NEK10: variants seen among roughly 807,000 people sequenced by gnomAD.
NEK10 encodes serine/threonine-protein kinase Nek10.
Under a neutral mutation model 159.8 loss-of-function variants are expected in NEK10, and 122 were observed. That is an observed-to-expected ratio of 0.76 (90% CI 0.66 to 0.89). The LOEUF (loss-of-function observed/expected upper bound fraction) is 0.89. Ranked by LOEUF, NEK10 falls within the 40% of genes least tolerant of loss-of-function variation. The probability of loss-of-function intolerance (pLI) is 0.00; values close to 1 mark genes in which losing one functional copy is unlikely to be tolerated. For synonymous variants in NEK10, 466 were observed against 457.1 expected (o/e 1.02, Z -0.25); for missense variants, 1,342 against 1,323.1 (o/e 1.01, Z -0.22).
intron 23 of NEK10, among the ~76,000 whole-genome samples, chr3:27,207,037 G>A: frequency 6.6e-6 from 1 of 152,150 alleles, no homozygotes; most frequent in East Asian, 1.9e-4. Context: ...ATGTGTGTGT[G>A]CTATGGGAGC....
chr3:27,289,862 C>T (rs1449598125), intron 19 of NEK10, among the ~76,000 whole-genome samples: 3 of 152,120 alleles, frequency 2.0e-5, no homozygotes, highest in Non-Finnish European at 4.4e-5. Flanking sequence ...GTAGAACTAT[C>T]GATTTTTATG....
chr3:27,329,655 A>T (rs1454955937), intron 5 of NEK10, among the ~76,000 whole-genome samples: 1 of 152,216 alleles, frequency 6.6e-6, no homozygotes, highest in East Asian at 1.9e-4. Context: ...GCTACACAAG[A>T]AGCAGTAAGT....
At chr3:27,156,624 A>T (rs1036334320) in intron 30 of NEK10, among the ~76,000 whole-genome samples, 1 of 152,042 alleles carries the variant, frequency 6.6e-6, no homozygotes, top group Admixed American at 6.6e-5. Flanking sequence ...TCCTGCAAGA[A>T]TGACCATAAT....
intron 22 of NEK10, among the ~76,000 whole-genome samples, chr3:27,273,053 A>C (rs958283929): frequency 6.6e-6 from 1 of 152,206 alleles, no homozygotes. Context: ...AGGAAGGCAG[A>C]CATTATCTAG....
intron 14 of NEK10, among the ~76,000 whole-genome samples, chr3:27,296,623 G>T (rs554904579): frequency 7.6e-4 from 116 of 152,160 alleles, no homozygotes; most frequent in African/African-American, 2.2e-3. Flanking sequence ...CCATACAAGG[G>T]TTGTACATAT....
At chr3:27,143,733 G>A (rs1220667782) in intron 30 of NEK10, among the ~76,000 whole-genome samples, 1 of 152,050 alleles carries the variant, frequency 6.6e-6, no homozygotes, top group African/African-American at 2.4e-5. Flanking sequence ...TGAGATTCAA[G>A]GCTCCCAGGA....
intron 23 of NEK10, among the ~76,000 whole-genome samples, chr3:27,228,220 T>C (rs1201055190): frequency 6.6e-6 from 1 of 152,242 alleles, no homozygotes; most frequent in East Asian, 1.9e-4. Context: ...TTACTAGCTA[T>C]GTGATTTGGT....
intron 1 of NEK10, among the ~76,000 whole-genome samples, chr3:27,368,442 T>A (rs1291543204): frequency 1.3e-5 from 2 of 151,884 alleles, no homozygotes; most frequent in Non-Finnish European, 2.9e-5. Context: ...AACCAACCGA[T>A]GGTGGAAATT....
At chr3:27,337,031 G>T (rs113412418) in intron 5 of NEK10, among the ~76,000 whole-genome samples, 5 of 126,646 alleles carry the variant, frequency 3.9e-5, no homozygotes, top group East Asian at 3.9e-4. Flanking sequence ...CACATTTGGC[G>T]GGGGGGAAAG....
intron 31 of NEK10, among the ~76,000 whole-genome samples, chr3:27,136,984 T>C (rs1173471808): frequency 1.3e-5 from 2 of 152,234 alleles, no homozygotes; most frequent in Non-Finnish European, 2.9e-5. Context: ...CATTCTTACT[T>C]TCAGTCTTCC....
At chr3:27,342,846 C>T (rs575182735) in intron 5 of NEK10, among the ~76,000 whole-genome samples, 8 of 152,062 alleles carry the variant, frequency 5.3e-5, no homozygotes, top group Admixed American at 1.3e-4. Context: ...CCTAATACCA[C>T]CTTATGCATA....
intron 23 of NEK10, among the ~76,000 whole-genome samples, chr3:27,211,212 C>T (rs11920408): frequency 0.24 from 35,754 of 152,044 alleles, 4,551 homozygotes; most frequent in Middle Eastern, 0.38. Context: ...ATGCGACATT[C>T]CAATTTATGT....
At chr3:27,229,785 GA>G (rs1953039737) in intron 23 of NEK10, among the ~76,000 whole-genome samples, 1 of 151,852 alleles carries the variant, frequency 6.6e-6, no homozygotes, top group South Asian at 2.1e-4. Context: ...AGAGCCCAAA[GA>G]AAAGGCTTTC....
chr3:27,261,594 G>C (rs1401766837), intron 22 of NEK10, among the ~76,000 whole-genome samples: 2 of 152,160 alleles, frequency 1.3e-5, no homozygotes, highest in Non-Finnish European at 2.9e-5. Context: ...GAGACAGTTT[G>C]TTATAATTTC....
At chr3:27,256,092 A>C (rs1956137684) in intron 23 of NEK10, among the ~76,000 whole-genome samples, 1 of 152,208 alleles carries the variant, frequency 6.6e-6, no homozygotes. Flanking sequence ...GATACCTTAG[A>C]AGAAAGATTA....
In NEK10 at chr3:27,314,315, C is replaced by T; in HGVS notation, c.471G>A (p.Gly157=). ...CYQEILHSLG[G]IENLAQYMEI... is the part of the protein sequence containing the mutation. ...ATCTTACCTGAGCTAGGTTTTCAAT[C>T]CCACCCAAGCTATGGAGTATTTCCT... The change falls in exon 7 of 36, where the codon GGG becomes GGA. Residue 157 remains glycine (G), a synonymous_variant. Coordinates refer to ENST00000691995, the MANE Select transcript of NEK10 (RefSeq NM_001394966.1). 1.2e-6 allele frequency: 2 copies of T among 1,603,008 alleles called. No individual in the cohort carries two copies. Among genetic ancestry groups the T allele is most frequent in the African/African-American group, 1.3e-5 (1 of 74,890 alleles).
chr3:27,244,347 C>T (rs1343708419), intron 23 of NEK10, among the ~76,000 whole-genome samples: 1 of 152,152 alleles, frequency 6.6e-6, no homozygotes, highest in Admixed American at 6.5e-5. Flanking sequence ...TACTAGTTGC[C>T]CAGTCCACTG....
chr3:27,107,029 A>T lies in NEK10; in HGVS notation c.*4243T>A, dbSNP rs1052023713. ...TTTTGAGGAATAACATTCAGTTTTGAATTAAGACTACAGTTCATTTACTTT... is the reference window on the plus strand; with the variant it reads ...TTTTGAGGAATAACATTCAGTTTTGTATTAAGACTACAGTTCATTTACTTT... On this transcript the variant is annotated 3_prime_UTR_variant, in exon 36 of 36. Transcript: ENST00000691995. Among the ~76,000 whole-genome samples the T allele has an allele frequency of 1.3e-5, 2 of 152,140 alleles. No individual in the cohort carries two copies. Among genetic ancestry groups the T allele is most frequent in the Admixed American group, 6.6e-5 (1 of 15,266 alleles).
In NEK10 at chr3:27,118,895, C is replaced by A. The variant is rs547181400; in HGVS notation, c.3190+865G>T. 2.0e-5 allele frequency among the ~76,000 whole-genome samples: 3 copies of A among 152,272 alleles called. No homozygotes were observed. In the South Asian group the frequency reaches 6.2e-4, roughly 32 times the overall value. ...ATGAAATAATTTGTTCAGTCAGCAA[C>A]AAAAGCACAACAAAAGTGAGCATTT... is the stretch of plus-strand genomic sequence containing the variant. On this transcript the variant is annotated intron_variant, in intron 33 of 35. Transcript: ENST00000691995.
Sources: allele counts gnomAD v4.1 joint callset (sites outside exome capture counted in the v4.1 genomes callset), GRCh38; gene constraint gnomAD v4.1.1; transcripts MANE v1.5; gene names NCBI Gene and HGNC (gene_info 2026-07-23, HGNC 2026-07-21).